ORC4: variants seen among roughly 807,000 people sequenced by gnomAD.
ORC4 encodes origin recognition complex, subunit 4 homolog.
ORC4 carries 55 observed loss-of-function variants against 63.9 expected under a neutral mutation model. The ratio of observed to expected loss-of-function variants is 0.86; its 90% CI spans 0.69 to 1.08. ORC4 has a LOEUF of 1.08. ORC4 is among the 50% of genes least tolerant of loss of function. The probability of loss-of-function intolerance (pLI) is 0.00; values close to 1 mark genes in which losing one functional copy is unlikely to be tolerated. For synonymous variants in ORC4, 150 were observed against 168.5 expected (o/e 0.89, Z 0.85); for missense variants, 511 against 504.4 (o/e 1.01, Z -0.13).
chr2:147,950,209 G>A (rs1558836227), intron 8 of ORC4, among the ~76,000 whole-genome samples: 2 of 152,114 alleles, frequency 1.3e-5, no homozygotes, highest in Non-Finnish European at 1.5e-5. Context: ...ACCCATATAG[G>A]TAGACAGTGG....
At chr2:148,014,165 G>A (rs762657523) in intron 1 of ORC4, among the ~76,000 whole-genome samples, 3 of 152,056 alleles carry the variant, frequency 2.0e-5, no homozygotes, top group Admixed American at 1.3e-4. Flanking sequence ...GCAATACAGC[G>A]AGACCTCATT....
At chr2:147,977,444 T>C (rs747528795) in intron 1 of ORC4, among the ~76,000 whole-genome samples, 5 of 152,222 alleles carry the variant, frequency 3.3e-5, no homozygotes, top group Non-Finnish European at 7.3e-5. Flanking sequence ...AGGAGGCCCT[T>C]CAGCTTGTGT....
rs199667986 is a variant in ORC4, at chr2:147,975,936, C to T, written c.23G>A (p.Ser8Asn). The stretch of plus-strand genomic sequence containing the variant: ...GCACTCTGTGTGAATTAAGCTGTTA[C>T]TCTTTGATTTACGACTGCTCATTTC... MSSRKSK[S>N]NSLIHTECLS... is the part of the protein sequence containing the mutation. The change falls in exon 2 of 14, where the codon AGT becomes AAT. Residue 8 changes from serine (S) to asparagine (N), a missense_variant. By Grantham distance (46) the Ser-to-Asn change is conservative (BLOSUM62 1). Coordinates refer to ENST00000392857, the MANE Select transcript of ORC4 (RefSeq NM_181741.4). The T allele has an allele frequency of 3.1e-6, 5 of 1,594,592 alleles. No individual in the cohort carries two copies. The East Asian group carries it at 9.0e-5, about 29-fold the overall frequency.
At chr2:147,956,291 C>T (rs1443833830) in intron 6 of ORC4, among the ~76,000 whole-genome samples, 2 of 151,970 alleles carry the variant, frequency 1.3e-5, no homozygotes, top group African/African-American at 4.8e-5. Flanking sequence ...GCAGGCAGAC[C>T]AAGAGGTGTT....
At chr2:147,974,414 G>A (rs569259901) in intron 2 of ORC4, among the ~76,000 whole-genome samples, 23 of 152,092 alleles carry the variant, frequency 1.5e-4, no homozygotes, top group Middle Eastern at 3.4e-3. Context: ...TGGGCAGATC[G>A]CTTGAGGTTA....
intron 1 of ORC4, among the ~76,000 whole-genome samples, chr2:148,004,235 T>A (rs1692485978): frequency 6.6e-6 from 1 of 152,168 alleles, no homozygotes; most frequent in Non-Finnish European, 1.5e-5. Flanking sequence ...CCACTGACTT[T>A]CTTCACAGAA....
chr2:148,016,550 G>C (rs1302741693), intron 1 of ORC4, among the ~76,000 whole-genome samples: 1 of 152,150 alleles, frequency 6.6e-6, no homozygotes, highest in African/African-American at 2.4e-5. Flanking sequence ...TGCCTCATCT[G>C]CCATATTCAC....
intron 1 of ORC4, among the ~76,000 whole-genome samples, chr2:147,995,754 CACATCTGA>C (rs1166744359): frequency 6.6e-6 from 1 of 152,062 alleles, no homozygotes; most frequent in Non-Finnish European, 1.5e-5. Context: ...AAACTCCGGA[CACATCTGA>C]ACATCTGAAC....
chr2:147,987,232 C>G (rs1691259436), intron 1 of ORC4, among the ~76,000 whole-genome samples: 1 of 150,664 alleles, frequency 6.6e-6, no homozygotes, highest in Admixed American at 6.6e-5. Context: ...TAAAGTCCAG[C>G]AATTCCTATA....
chr2:147,936,745 GC>G (rs1484206773), intron 13 of ORC4: 1 of 152,194 alleles, frequency 6.6e-6, no homozygotes, highest in Non-Finnish European at 1.5e-5. Context: ...TGCAGGCTGG[GC>G]GCAGTGGCTC....
intron 1 of ORC4, among the ~76,000 whole-genome samples, chr2:147,984,633 G>A (rs1451896893): frequency 6.6e-6 from 1 of 152,104 alleles, no homozygotes; most frequent in Non-Finnish European, 1.5e-5. Context: ...ACATCAGAGA[G>A]CTACTGACCA....
intron 1 of ORC4, among the ~76,000 whole-genome samples, chr2:147,977,648 T>A (rs969647733): frequency 1.3e-5 from 2 of 152,162 alleles, no homozygotes. Flanking sequence ...AAGGGCCCTG[T>A]CCTCCCGATA....
At chr2:147,996,879 C>T (rs1051842100) in intron 1 of ORC4, among the ~76,000 whole-genome samples, 9 of 152,304 alleles carry the variant, frequency 5.9e-5, no homozygotes, top group South Asian at 2.1e-4. Flanking sequence ...ATTTGTTTTA[C>T]ATAATCTAGC....
intron 1 of ORC4, among the ~76,000 whole-genome samples, chr2:147,979,564 A>G (rs985968368): frequency 6.6e-6 from 1 of 152,190 alleles, no homozygotes; most frequent in Non-Finnish European, 1.5e-5. Context: ...GACATTTTTC[A>G]TAGAAATAGA....
chr2:147,958,017 T>C (rs540300238), intron 6 of ORC4, among the ~76,000 whole-genome samples: 1 of 152,246 alleles, frequency 6.6e-6, no homozygotes, highest in African/African-American at 2.4e-5. Context: ...AGAATCAAAG[T>C]ATTCACCTTA....
At chr2:147,980,129 C>T (rs965629103) in intron 1 of ORC4, among the ~76,000 whole-genome samples, 2 of 151,974 alleles carry the variant, frequency 1.3e-5, no homozygotes, top group Admixed American at 6.6e-5. Context: ...AAACTATTTG[C>T]AAATCTTACA....
In ORC4 at chr2:147,938,196, G is replaced by C. The variant is rs1688163040; in HGVS notation, c.1072C>G (p.Gln358Glu). 3 of 1,612,338 alleles carry C rather than the reference G, an allele frequency of 1.9e-6. No homozygotes were observed. The Admixed American group carries it at 5.0e-5, about 27-fold the overall frequency. The change falls in exon 13 of 14, where the codon CAA (glutamine) becomes GAA (glutamate). Residue 358 changes from glutamine to glutamate, a missense_variant. Transcript: ENST00000392857. Reference protein sequence around the residue: ...MVYNEFQKFVQRKAHSVYNFE... With the variant: ...MVYNEFQKFVERKAHSVYNFE... ...TTATAAACGGAATGTGCTTTCCTTT[G>C]AACAAACTTCTGAAACTCTGAGTAG...
At position 147,964,301 on chromosome 2, in the gene ORC4, T is replaced by C. The variant is rs538623281; in HGVS notation, c.226-5435A>G. Among the ~76,000 whole-genome samples the C allele has an allele frequency of 5.9e-5, 9 of 152,080 alleles. No homozygotes were observed. The East Asian group carries it at 1.7e-3, about 29-fold the overall frequency. On this transcript the variant is annotated intron_variant, in intron 4 of 13. Transcript: ENST00000392857. The stretch of plus-strand genomic sequence containing the variant: ...GAAATCCTACAGCTGAAGAAGTTAA[T>C]GAATGAAATAGAAAATACAACTGAG...
intron 1 of ORC4, among the ~76,000 whole-genome samples, chr2:148,010,657 C>T (rs1692908684): frequency 1.3e-5 from 2 of 151,872 alleles, no homozygotes; most frequent in Non-Finnish European, 2.9e-5. Flanking sequence ...AAACCAAAAT[C>T]GAAATAGACC....
Sources: gnomAD v4.1 joint callset for allele counts (sites outside exome capture counted in the v4.1 genomes callset) on GRCh38, gnomAD v4.1.1 for gene constraint, MANE v1.5 for transcripts, NCBI Gene and HGNC (gene_info 2026-07-23, HGNC 2026-07-21) for gene names.